Variants in BOLL observed in about 807,000 individuals in gnomAD.
The protein encoded by BOLL is boule RNA binding protein, also known as protein boule-like.
In BOLL, 23 loss-of-function variants were observed where a neutral mutation model predicts 44.4. The ratio of observed to expected loss-of-function variants is 0.52; its 90% confidence interval spans 0.37 to 0.73. The LOEUF (loss-of-function observed/expected upper bound fraction) is 0.73. BOLL is among the 30% of genes least tolerant of loss of function. BOLL has a pLI of 0.00. For synonymous variants in BOLL, 97 were observed against 110.8 expected (o/e 0.88, Z 0.78); for missense variants, 287 against 338.3 (o/e 0.85, Z 1.19).
chr2:197,783,695 G>T (rs1487365645), intron 1 of BOLL, among the ~76,000 whole-genome samples: 1 of 152,192 alleles, frequency 6.6e-6, no homozygotes, highest in Non-Finnish European at 1.5e-5. Flanking sequence ...GCACTTGGAG[G>T]TTATTTGTGA....
At chr2:197,771,700 T>G (rs1689271492) in intron 6 of BOLL, among the ~76,000 whole-genome samples, 155 bp downstream of exon 6, 1 of 152,084 alleles carries the variant, frequency 6.6e-6, no homozygotes, top group African/African-American at 2.4e-5. Flanking sequence ...TTTTAAGAAC[T>G]TAAGTAAATG....
chr2:197,738,906 A>T (rs1385543471), intron 10 of BOLL, among the ~76,000 whole-genome samples: 1 of 152,184 alleles, frequency 6.6e-6, no homozygotes, highest in Non-Finnish European at 1.5e-5. Flanking sequence ...CATAATGTAG[A>T]ACAACATTTG....
At chr2:197,743,477 C>T (rs943633324) in intron 9 of BOLL, among the ~76,000 whole-genome samples, 1 of 152,064 alleles carries the variant, frequency 6.6e-6, no homozygotes, top group Non-Finnish European at 1.5e-5. Context: ...TGGTACCATT[C>T]ATTGGAATAT....
At chr2:197,755,751 G>A (rs780450027) in intron 9 of BOLL, among the ~76,000 whole-genome samples, 1 of 152,210 alleles carries the variant, frequency 6.6e-6, no homozygotes, top group Admixed American at 6.5e-5. Context: ...TCGGGGCTGG[G>A]AAGGGAGAGC....
At chr2:197,729,303 C>T (rs562257923) in intron 10 of BOLL, among the ~76,000 whole-genome samples, 133 of 152,308 alleles carry the variant, frequency 8.7e-4, no homozygotes, top group African/African-American at 2.9e-3. Context: ...GCACCTGGCT[C>T]GGAGGGTCCT....
chr2:197,758,738 T>C (rs1688624680), intron 7 of BOLL, among the ~76,000 whole-genome samples: 2 of 152,198 alleles, frequency 1.3e-5, no homozygotes, highest in South Asian at 4.1e-4. Context: ...GAGTGCTGGT[T>C]AACTGAAAGA....
intron 9 of BOLL, among the ~76,000 whole-genome samples, chr2:197,752,941 G>C (rs1471448263): frequency 6.6e-6 from 1 of 152,068 alleles, no homozygotes; most frequent in African/African-American, 2.4e-5. Flanking sequence ...GCATGGTACT[G>C]GTACCAAAAC....
At chr2:197,755,765 A>G (rs147788617) in intron 9 of BOLL, among the ~76,000 whole-genome samples, 2 of 152,340 alleles carry the variant, frequency 1.3e-5, no homozygotes, top group East Asian at 3.9e-4. Context: ...GGAGAGCATC[A>G]GGAAAGATAG....
chr2:197,743,400 T>A (rs987882553), intron 9 of BOLL, among the ~76,000 whole-genome samples: 1 of 152,166 alleles, frequency 6.6e-6, no homozygotes, highest in African/African-American at 2.4e-5. Context: ...CCTATAGACA[T>A]GTATAGGGAT....
At chr2:197,732,119 A>G (rs1687216421) in intron 10 of BOLL, among the ~76,000 whole-genome samples, 1 of 151,886 alleles carries the variant, frequency 6.6e-6, no homozygotes, top group South Asian at 2.1e-4. Flanking sequence ...AAAAAATGAT[A>G]AAGGGGATAT....
intron 6 of BOLL, among the ~76,000 whole-genome samples, 192 bp downstream of exon 6, chr2:197,771,663 C>T (rs1381927361): frequency 2.6e-5 from 4 of 151,744 alleles, no homozygotes; most frequent in Non-Finnish European, 5.9e-5. Flanking sequence ...GGAGAATTGA[C>T]CTGAAGCTGT....
At chr2:197,766,403 A>G in intron 7 of BOLL, 129 bp downstream of exon 7, 3 of 824,264 alleles carry the variant, frequency 3.6e-6, no homozygotes, top group South Asian at 3.3e-5. Flanking sequence ...TGTGGTTTTG[A>G]TTCACATTTC....
At chr2:197,743,246 A>C in intron 9 of BOLL, 87 bp from the exon 10 acceptor site, 1 of 899,036 alleles carries the variant, frequency 1.1e-6, no homozygotes, top group African/African-American at 1.7e-5. Flanking sequence ...CTAATCATCT[A>C]GCTATACAAT....
At position 197,775,695 on chromosome 2, in the gene BOLL, C is replaced by T. The variant is rs1209662890; in HGVS notation, c.322G>A (p.Ala108Thr). ...ATCCCTACTTGTTGTTTTCTTATTG[C>T]TGGACCAATGTTCAGCTTCTTATCC... Reference protein sequence around the residue: ...YKDKKLNIGPAIRKQQVGIPR... With the variant: ...YKDKKLNIGPTIRKQQVGIPR... The change falls in exon 5 of 11, where the codon GCA becomes ACA. Residue 108 changes from alanine to threonine, a missense_variant. Coordinates refer to ENST00000392296, the MANE Select transcript of BOLL (RefSeq NM_033030.6). 6.4e-7 allele frequency: 1 copy of T among 1,565,954 alleles called. No homozygotes were observed. The highest frequency in any genetic ancestry group is 1.4e-5 in the African/African-American group (1 of 72,908).
Position 197,785,286 on chromosome 2 carries a change from G to T in BOLL, c.-246C>A. The T allele has an allele frequency of 3.0e-6, 3 of 985,190 alleles. No individual in the cohort carries two copies. The highest frequency in any genetic ancestry group is 1.1e-4 in the East Asian group (1 of 8,788). 61.0% of individuals were successfully genotyped at this position (985,190 alleles called of 1,614,324 possible). A position where few individuals can be genotyped will look rare whatever the true frequency, so the allele number is the denominator to read the frequency against. The stretch of plus-strand genomic sequence containing the variant: ...AGCAGCAGTGGCGGGAAGCCTCAAC[G>T]GCAGCGACCCCGCCGCTGGCCTCGT... On this transcript the variant is annotated 5_prime_UTR_variant, in exon 1 of 11. Transcript: ENST00000392296. The surrounding 1 kb of genome is among the most constrained non-coding windows in gnomAD (Gnocchi z 6.7).
intron 10 of BOLL, among the ~76,000 whole-genome samples, chr2:197,734,857 T>C (rs906059926): frequency 2.6e-5 from 4 of 152,082 alleles, no homozygotes; most frequent in Non-Finnish European, 5.9e-5. Context: ...TAATGCTAAA[T>C]GACGAGTTAA....
intron 10 of BOLL, among the ~76,000 whole-genome samples, chr2:197,737,474 T>C (rs1470295313): frequency 6.6e-6 from 1 of 152,092 alleles, no homozygotes; most frequent in Admixed American, 6.6e-5. Context: ...AAAAAACTTA[T>C]TCTAGAGAAT....
chr2:197,759,319 C>A (rs1195684438), intron 7 of BOLL, among the ~76,000 whole-genome samples: 1 of 152,062 alleles, frequency 6.6e-6, no homozygotes, highest in Non-Finnish European at 1.5e-5. Context: ...GCAGAAGATC[C>A]CCACCAGCCT....
intron 4 of BOLL, among the ~76,000 whole-genome samples, chr2:197,776,611 T>C (rs1390394534): frequency 6.6e-6 from 1 of 151,896 alleles, no homozygotes; most frequent in Non-Finnish European, 1.5e-5. Flanking sequence ...AAATTCTACT[T>C]TTTTTCTAAA....
Sources: allele counts gnomAD v4.1 joint callset (sites outside exome capture counted in the v4.1 genomes callset), GRCh38; gene constraint gnomAD v4.1.1; non-coding constraint Gnocchi (gnomAD v3.1); transcripts MANE v1.5; gene names NCBI Gene and HGNC (gene_info 2026-07-23, HGNC 2026-07-21).